Variants in KCNN2 observed in about 807,000 individuals in gnomAD.
KCNN2 encodes the protein small conductance calcium-activated potassium channel protein 2.
A neutral mutation model predicts 55.5 loss-of-function variants in KCNN2; 24 were observed. The observed-to-expected ratio is 0.43, with a 90% confidence interval of 0.31 to 0.61. KCNN2 has a LOEUF of 0.61. Among genes scored for constraint, KCNN2 ranks in the 20% least tolerant of loss-of-function variants. The pLI, the probability that KCNN2 is intolerant of heterozygous loss-of-function variation, is 0.08. For missense variants in KCNN2, 754 were observed against 853.6 expected (o/e 0.88, Z 1.45); for synonymous variants, 431 against 336.1 (o/e 1.28, Z -3.09).
At chr5:114,266,861 T>C (rs1755216603) in intron 2 of KCNN2, among the ~76,000 whole-genome samples, 2 of 152,210 alleles carry the variant, frequency 1.3e-5, no homozygotes, top group South Asian at 4.1e-4. Context: ...TTTTGCAGTT[T>C]TTCCTAAGAT....
chr5:114,106,168 A>G (rs1275339699), intron 1 of KCNN2, among the ~76,000 whole-genome samples: 1 of 151,766 alleles, frequency 6.6e-6, no homozygotes. Flanking sequence ...CTACTTGTTA[A>G]TCTTTTTCAG....
chr5:114,404,369 A>G lies in KCNN2; in HGVS notation c.1219-69A>G, dbSNP rs559169109. The G allele has an allele frequency of 3.1e-5, 40 of 1,292,906 alleles. No individual in the cohort carries two copies. In the South Asian group the frequency reaches 5.5e-4, roughly 18 times the overall value. The allele number at this position is 1,292,906 out of a possible 1,614,324, so 80.1% of individuals were successfully genotyped here. A position where few individuals can be genotyped will look rare whatever the true frequency, so the allele number is the denominator to read the frequency against. On this transcript the variant is annotated intron_variant, in intron 2 of 7. Coordinates refer to ENST00000673685, the MANE Select transcript of KCNN2 (RefSeq NM_021614.4). ...TAAAAGTCATCTGTTGTGTGTTTTT[A>G]AAATCTGCACTAACACTTGTGGACC... is the stretch of plus-strand genomic sequence containing the variant.
intron 2 of KCNN2, among the ~76,000 whole-genome samples, chr5:114,222,654 G>A (rs77519384): frequency 8.5e-5 from 13 of 152,226 alleles, no homozygotes; most frequent in South Asian, 4.2e-4. Context: ...CAATTTCAGC[G>A]CAGGGAATCA....
At position 114,294,223 on chromosome 5, in the gene KCNN2, G is replaced by A. The variant is rs576477039; in HGVS notation, c.-184-66722G>A. ...TCTGCTCCGATTTTAGTTATTTCTT[G>A]CCTTCTGCTAGTTTTTGAATGTGTT... On this transcript the variant is annotated intron_variant, in intron 2 of 10. Transcript: ENST00000512097. Among the ~76,000 whole-genome samples the A allele has an allele frequency of 3.9e-5, 6 of 151,986 alleles. No homozygotes were observed. The East Asian group carries it at 9.6e-4, about 24-fold the overall frequency.
chr5:114,362,972 T>C lies in KCNN2; in HGVS notation c.833T>C (p.Ile278Thr), dbSNP rs1757486361. 6.3e-7 allele frequency: 1 copy of C among 1,588,704 alleles called. No homozygotes were observed. The highest frequency in any genetic ancestry group is 8.5e-7 in the Non-Finnish European group (1 of 1,174,174). ...AAAVSSSAPEIVVSKPEHNNS... is the reference protein window; with the variant it reads ...AAAVSSSAPETVVSKPEHNNS... ...GCTGTTTCGTCCTCAGCCCCCGAGATCGTGGTGTCTAAGCCCGAGCACAAC... is the reference window on the plus strand; with the variant it reads ...GCTGTTTCGTCCTCAGCCCCCGAGACCGTGGTGTCTAAGCCCGAGCACAAC... Residue 278 changes from isoleucine (I) to threonine (T), a missense_variant, in exon 1 of 8, where the codon ATC becomes ACC. Coordinates refer to ENST00000673685, the MANE Select transcript of KCNN2 (RefSeq NM_021614.4).
At chr5:114,073,369 C>G (rs1750617392) in intron 1 of KCNN2, among the ~76,000 whole-genome samples, 1 of 152,170 alleles carries the variant, frequency 6.6e-6, no homozygotes. Flanking sequence ...TTGATGTATT[C>G]ACTCTTTTCC....
At position 114,491,542 on chromosome 5, in the gene KCNN2, A is replaced by G. The variant is rs188906309; in HGVS notation, c.2019-1861A>G. On this transcript the variant is annotated intron_variant, in intron 6 of 7. Coordinates refer to ENST00000673685, the MANE Select transcript of KCNN2 (RefSeq NM_021614.4). ...TTTTTTTTTAAAAAAAGAAAAAAAA[A>G]AAAAAAGCAGGTGTTAGGAGATAAA... 4.1e-3 allele frequency among the ~76,000 whole-genome samples: 616 copies of G among 151,208 alleles called. 2 individuals carry two copies. The highest frequency in any genetic ancestry group is 6.2e-3 in the Non-Finnish European group (421 of 67,700).
intron 2 of KCNN2, among the ~76,000 whole-genome samples, chr5:114,402,701 C>A (rs960323676): frequency 3.9e-5 from 6 of 152,098 alleles, no homozygotes; most frequent in African/African-American, 1.4e-4. Context: ...GGAAAACAAC[C>A]CATGGTGGAT....
chr5:114,487,231 T>G, intron 6 of KCNN2, 54 bp downstream of exon 6: 2 of 1,524,966 alleles, frequency 1.3e-6, no homozygotes, highest in Admixed American at 1.9e-5. Flanking sequence ...CTTTCAATTT[T>G]TGCACTTGTT....
intron 1 of KCNN2, among the ~76,000 whole-genome samples, chr5:114,147,265 G>A (rs184412298): frequency 9.3e-5 from 14 of 151,168 alleles, no homozygotes; most frequent in Non-Finnish European, 1.6e-4. Context: ...TTAGGCAGAT[G>A]ATTATCAATA....
chr5:114,155,984 G>T (rs978969218), intron 1 of KCNN2, among the ~76,000 whole-genome samples: 9 of 152,044 alleles, frequency 5.9e-5, no homozygotes, highest in Non-Finnish European at 1.2e-4. Context: ...GTATTACCTA[G>T]GTTGTCTTCC....
At chr5:114,232,922 C>CTCGTTTTTTTTTTTTTTTTT (rs200715120) in intron 2 of KCNN2, among the ~76,000 whole-genome samples, 7 of 44,034 alleles carry the variant, frequency 1.6e-4, no homozygotes, top group African/African-American at 2.3e-4. Context: ...TATATTGTTT[C>CTCGTTTTTTTTTTTTTTTTT]TTGTTTTTTT....
chr5:114,090,807 A>C (rs1274472628), intron 1 of KCNN2, among the ~76,000 whole-genome samples: 1 of 152,004 alleles, frequency 6.6e-6, no homozygotes. Context: ...TTCCAATACC[A>C]GTAGCCACCT....
intron 2 of KCNN2, among the ~76,000 whole-genome samples, chr5:114,260,959 T>C (rs1345831957): frequency 2.6e-5 from 4 of 152,186 alleles, no homozygotes; most frequent in Non-Finnish European, 4.4e-5. Flanking sequence ...TGTTTGTCTT[T>C]AGGAACATGT....
intron 1 of KCNN2, among the ~76,000 whole-genome samples, chr5:114,103,849 G>A (rs1339734787): frequency 8.5e-5 from 13 of 152,180 alleles, no homozygotes; most frequent in Admixed American, 7.2e-4. Context: ...GAGGATTTTC[G>A]CATCTATGTT....
chr5:114,455,320 T>C (rs1365198757), intron 3 of KCNN2, among the ~76,000 whole-genome samples: 2 of 152,206 alleles, frequency 1.3e-5, no homozygotes, highest in East Asian at 3.9e-4. Context: ...GTACCTCTTA[T>C]GGTGATTTAT....
intron 3 of KCNN2, among the ~76,000 whole-genome samples, chr5:114,443,527 C>G (rs1033553708): frequency 6.6e-6 from 1 of 152,268 alleles, no homozygotes; most frequent in South Asian, 2.1e-4. Flanking sequence ...CAGTCTAAAT[C>G]AGATTGAAGA....
chr5:114,196,587 G>T (rs1288877499), intron 1 of KCNN2, among the ~76,000 whole-genome samples: 1 of 151,752 alleles, frequency 6.6e-6, no homozygotes, highest in Non-Finnish European at 1.5e-5. Flanking sequence ...TGGGTAATTT[G>T]TTTCTTTCTA....
chr5:114,369,222 A>G (rs1177362975), intron 2 of KCNN2, among the ~76,000 whole-genome samples: 1 of 152,200 alleles, frequency 6.6e-6, no homozygotes, highest in Non-Finnish European at 1.5e-5. Context: ...TATTAAAGAA[A>G]TCTAAAAAGT....
Sources: allele counts gnomAD v4.1 joint callset (sites outside exome capture counted in the v4.1 genomes callset), GRCh38; gene constraint gnomAD v4.1.1; transcripts MANE v1.5; gene names NCBI Gene and HGNC (gene_info 2026-07-23, HGNC 2026-07-21).